Variants in CNTN4 observed in about 807,000 individuals in gnomAD.
The protein encoded by CNTN4 is contactin-4.
Under a neutral mutation model 122.5 loss-of-function variants are expected in CNTN4, and 77 were observed. The observed-to-expected ratio is 0.63, with a 90% CI of 0.52 to 0.76. The LOEUF is 0.76. CNTN4 is among the 30% of genes least tolerant of loss of function. The probability of loss-of-function intolerance (pLI) is 0.00; values close to 1 mark genes in which losing one functional copy is unlikely to be tolerated. For synonymous variants in CNTN4, 512 were observed against 447.0 expected, an observed-to-expected ratio of 1.15 and a Z score of -1.83; for missense variants, 1,256 against 1,259.1, an observed-to-expected ratio of 1.00 and a Z score of 0.04.
At position 2,263,833 on chromosome 3, in the gene CNTN4, T is replaced by TCCAAA. The variant is rs1463728676; in HGVS notation, c.-144-75345_-144-75344insCCAAA. On this transcript the variant is annotated intron_variant, in intron 2 of 24. Transcript: ENST00000418658. ...ACCATCATCCTACTCTCTATCTCCC[T>TCCAAA]GAAATCTACTTTTTTAGTTTTTGTA... 4.7e-5 allele frequency among the ~76,000 whole-genome samples: 6 copies of TCCAAA among 127,810 alleles called. No individual in the cohort carries two copies. In the South Asian group the frequency reaches 7.4e-4, roughly 16 times the overall value. 83.8% of individuals were successfully genotyped at this position (127,810 alleles called of 152,430 possible). A position where few individuals can be genotyped will look rare whatever the true frequency, so the allele number is the denominator to read the frequency against.
At chr3:2,871,245 T>C (rs547168285) in intron 8 of CNTN4, among the ~76,000 whole-genome samples, 4 of 152,356 alleles carry the variant, frequency 2.6e-5, no homozygotes, top group South Asian at 2.1e-4. Context: ...AGTTATTTTA[T>C]GTGTCATAAT....
chr3:2,755,097 A>G (rs780873071), intron 6 of CNTN4, among the ~76,000 whole-genome samples: 2 of 152,136 alleles, frequency 1.3e-5, no homozygotes, highest in Non-Finnish European at 2.9e-5. Context: ...TTGAGCCCAG[A>G]TCCTTGCTTC....
At chr3:2,343,910 A>G (rs2150384128) in intron 3 of CNTN4, among the ~76,000 whole-genome samples, 1 of 152,286 alleles carries the variant, frequency 6.6e-6, no homozygotes, top group Non-Finnish European at 1.5e-5. Context: ...GCCTCAGGAA[A>G]CTTACAATTA....
intron 4 of CNTN4, among the ~76,000 whole-genome samples, chr3:2,668,587 C>T (rs1271424938): frequency 6.6e-6 from 1 of 152,062 alleles, no homozygotes. Flanking sequence ...CCTTTATTTC[C>T]TTCTCCTGCC....
At position 2,735,629 on chromosome 3, in the gene CNTN4, G is replaced by A. The variant is rs144351232; in HGVS notation, c.56-586G>A. Among the ~76,000 whole-genome samples the A allele has an allele frequency of 4.4e-3, 674 of 152,240 alleles. 6 individuals are homozygous for A. The highest frequency in any genetic ancestry group is 0.016 in the African/African-American group (658 of 41,542). On this transcript the variant is annotated intron_variant, in intron 4 of 24. Transcript: ENST00000418658. Reference sequence around the variant, plus strand: ...ACCATATATGGCTTCATAAGACGTTGGGAAAACAAAGAACCTAGTCCTTCG... The same window carrying A: ...ACCATATATGGCTTCATAAGACGTTAGGAAAACAAAGAACCTAGTCCTTCG...
chr3:2,512,792 A>G (rs931780473), intron 3 of CNTN4, among the ~76,000 whole-genome samples: 7 of 152,180 alleles, frequency 4.6e-5, no homozygotes, highest in African/African-American at 1.2e-4. Flanking sequence ...ATGGAGCCTG[A>G]TGGTCCCATA....
chr3:2,495,631 G>C (rs1325083050), intron 3 of CNTN4, among the ~76,000 whole-genome samples: 1 of 152,188 alleles, frequency 6.6e-6, no homozygotes, highest in Non-Finnish European at 1.5e-5. Flanking sequence ...GGCAGCATTA[G>C]ATTCTCATGG....
intron 3 of CNTN4, among the ~76,000 whole-genome samples, chr3:2,391,899 A>G (rs571338235): frequency 4.6e-5 from 7 of 152,280 alleles, no homozygotes; most frequent in East Asian, 1.9e-4. Context: ...GCTTCTTCGA[A>G]TAGGGGCTTC....
intron 9 of CNTN4, among the ~76,000 whole-genome samples, chr3:2,885,394 C>T (rs569774121): frequency 2.6e-5 from 4 of 152,182 alleles, no homozygotes; most frequent in South Asian, 2.1e-4. Flanking sequence ...CTATTTTAAG[C>T]GAAGTTTCCC....
At chr3:2,606,853 G>A (rs538196430) in intron 4 of CNTN4, among the ~76,000 whole-genome samples, 2 of 152,328 alleles carry the variant, frequency 1.3e-5, no homozygotes, top group East Asian at 3.9e-4. Flanking sequence ...AAGATAGTAA[G>A]TAAAACCTAA....
intron 2 of CNTN4, among the ~76,000 whole-genome samples, chr3:2,267,289 A>G (rs1252967262): frequency 1.3e-5 from 2 of 152,132 alleles, no homozygotes; most frequent in Non-Finnish European, 2.9e-5. Context: ...ACAAGCTTAA[A>G]TATCTCCTCT....
At chr3:2,886,574 C>T (rs1470047719) in intron 9 of CNTN4, among the ~76,000 whole-genome samples, 15 of 142,420 alleles carry the variant, frequency 1.1e-4, no homozygotes, top group Non-Finnish European at 1.7e-4. Flanking sequence ...TGCAGTAGTG[C>T]GATCTTGGCT....
intron 2 of CNTN4, among the ~76,000 whole-genome samples, chr3:2,141,748 G>T (rs945803069): frequency 6.6e-6 from 1 of 151,938 alleles, no homozygotes; most frequent in African/African-American, 2.4e-5. Flanking sequence ...ACTGTTCTCA[G>T]GTTTACTACA....
Position 2,387,042 on chromosome 3 carries a change from A to G in CNTN4, c.-89+47809A>G, listed in dbSNP as rs59557484. Among the ~76,000 whole-genome samples the G allele has an allele frequency of 4.9e-3, 748 of 152,314 alleles. 7 individuals are homozygous for G. The highest frequency in any genetic ancestry group is 0.017 in the African/African-American group (719 of 41,578). On this transcript the variant is annotated intron_variant, in intron 3 of 24. Transcript: ENST00000418658. Reference sequence around the variant, plus strand: ...AGTTAGAGTTTTGAACTTGCTAACCATAAGTCGTGTGACTTCCAATATCAG... The same window carrying G: ...AGTTAGAGTTTTGAACTTGCTAACCGTAAGTCGTGTGACTTCCAATATCAG...
chr3:2,457,416 A>G (rs879904140), intron 3 of CNTN4, among the ~76,000 whole-genome samples: 1 of 152,154 alleles, frequency 6.6e-6, no homozygotes, highest in Non-Finnish European at 1.5e-5. Context: ...CATAGCACAG[A>G]GTATGCCTGT....
At chr3:2,534,819 A>ATGCTGCTGC (rs554324649) in intron 3 of CNTN4, among the ~76,000 whole-genome samples, 7 of 88,446 alleles carry the variant, frequency 7.9e-5, no homozygotes, top group East Asian at 2.3e-4. Context: ...GGAACAATGT[A>ATGCTGCTGC]TGCTGCTGCT....
chr3:2,848,314 G>C (rs2093490180), intron 7 of CNTN4, among the ~76,000 whole-genome samples: 1 of 152,172 alleles, frequency 6.6e-6, no homozygotes, highest in South Asian at 2.1e-4. Flanking sequence ...GTAGAAATCT[G>C]GGGAAGAATT....
intron 3 of CNTN4, among the ~76,000 whole-genome samples, chr3:2,375,630 A>T (rs1390742134): frequency 6.6e-6 from 1 of 152,174 alleles, no homozygotes; most frequent in Non-Finnish European, 1.5e-5. Context: ...AGCAAAAAGC[A>T]ACTCATCTTC....
chr3:3,053,947 T>C lies in CNTN4; in HGVS notation c.2952T>C (p.Ser984=), dbSNP rs766108201. The part of the protein sequence containing the change: ...PFSDGGDGSS[S]EQIRIPKISN... ...GCGACGGAGGAGATGGCAGCAGCAG[T>C]GAACAAATTCGAATTCCAAAGATAT... The change falls in exon 24 of 25, where the codon AGT becomes AGC. Residue 984 remains serine, a synonymous_variant. Transcript: ENST00000418658. The C allele has an allele frequency of 4.3e-5, 69 of 1,614,118 alleles. No individual in the cohort carries two copies. The highest frequency in any genetic ancestry group is 5.6e-5 in the Non-Finnish European group (66 of 1,180,046).
Sources: gnomAD v4.1 joint callset for allele counts (sites outside exome capture counted in the v4.1 genomes callset) on GRCh38, gnomAD v4.1.1 for gene constraint, MANE v1.5 for transcripts, NCBI Gene and HGNC (gene_info 2026-07-23, HGNC 2026-07-21) for gene names.